Variants in SRCAP observed in about 807,000 individuals in gnomAD.
SRCAP encodes the protein chromatin remodeling protein SRCAP.
A neutral mutation model predicts 263.1 loss-of-function variants in SRCAP; 46 were observed. The observed-to-expected ratio is 0.17, with a 90% CI of 0.14 to 0.22. SRCAP has a LOEUF of 0.22. Among genes scored for constraint, SRCAP ranks in the 10% least tolerant of loss-of-function variants. The pLI is 1.00. For missense variants in SRCAP, 3,695 were observed against 4,181.9 expected, an observed-to-expected ratio of 0.88 and a Z score of 3.21; for synonymous variants, 1,813 against 1,662.1, an observed-to-expected ratio of 1.09 and a Z score of -2.21.
At chr16:30,718,003 C>CT (rs984571517) in intron 18 of SRCAP, among the ~76,000 whole-genome samples, 8 of 150,906 alleles carry the variant, frequency 5.3e-5, no homozygotes, top group Middle Eastern at 3.5e-3. Flanking sequence ...GTAGCTGGAA[C>CT]TATATGCGTG....
At chr16:30,720,075 T>G in intron 18 of SRCAP, 87 bp from the exon 19 acceptor site, 1 of 1,452,530 alleles carries the variant, frequency 6.9e-7, no homozygotes, top group East Asian at 2.3e-5. Context: ...GTTAATTCAC[T>G]TAAGGATAAT....
rs1436028238 is a variant in SRCAP, at chr16:30,711,624, G to A, written c.1372G>A (p.Gly458Ser). The A allele has an allele frequency of 1.9e-6, 3 of 1,613,748 alleles. No individual in the cohort carries two copies. The highest frequency in any genetic ancestry group is 2.5e-6 in the Non-Finnish European group (3 of 1,179,874). ...GCAGTATGCAGGAGCCTATGCCCCA[G>A]GCTCTGGGAGCAGTGAAGATGAGGA... The part of the protein sequence containing the change: ...LQQYAGAYAP[G>S]SGSSEDEDED... The change falls in exon 11 of 34, where the codon GGC becomes AGC. Residue 458 changes from glycine to serine, a missense_variant. By Grantham distance (56) the Gly-to-Ser change is moderately conservative. Transcript: ENST00000262518.
At chr16:30,708,005 C>T (rs1434233241) in intron 6 of SRCAP, among the ~76,000 whole-genome samples, 1 of 152,182 alleles carries the variant, frequency 6.6e-6, no homozygotes, top group Non-Finnish European at 1.5e-5. Flanking sequence ...CGTCAAAGTT[C>T]CCACTGCCTG....
Position 30,723,947 on chromosome 16 carries a change from G to T in SRCAP, c.4523G>T (p.Gly1508Val). Residue 1508 changes from glycine to valine, a missense_variant, in exon 25 of 34, where the codon GGT (glycine) becomes GTT (valine). Physicochemically the swap from Gly to Val is moderately radical, Grantham distance 109. Coordinates refer to ENST00000262518, the MANE Select transcript of SRCAP (RefSeq NM_006662.3). ...ASPSASALTL[G>V]LATAPSLSSS... ...CCGTCAGCATCAGCCTTGACTCTAG[G>T]TTTGGCCACAGCTCCATCCCTGTCT... 6.2e-7 allele frequency: 1 copy of T among 1,614,104 alleles called. No individual in the cohort carries two copies. The highest frequency in any genetic ancestry group is 8.5e-7 in the Non-Finnish European group (1 of 1,180,028).
Position 30,729,581 on chromosome 16 carries a change from G to T in SRCAP, c.6127+9G>T, listed in dbSNP as rs777647637. The T allele has an allele frequency of 1.5e-5, 24 of 1,614,046 alleles. No homozygotes were observed. In the Admixed American group the frequency reaches 1.5e-4, roughly 10 times the overall value. On this transcript the variant is annotated intron_variant, in intron 27 of 33. Coordinates refer to ENST00000262518, the MANE Select transcript of SRCAP (RefSeq NM_006662.3). ...CATCCAGTATGATTGCGGTGAGTTT[G>T]TTGGCCAGTGTAGGACCCTTGACTT...
chr16:30,734,178 A>C, intron 30 of SRCAP, 170 bp downstream of exon 30: 1 of 667,766 alleles, frequency 1.5e-6, no homozygotes, highest in Non-Finnish European at 2.5e-6. Context: ...CCCTGTCTCT[A>C]CTAAAAATAC....
In SRCAP at chr16:30,720,388, C is replaced by T. The variant is rs973756927; in HGVS notation, c.2987+57C>T. ...CTAGAATAAGTGGCTGAAAGCTGCC[C>T]AGAGGGGCCTGGGGTGGGAAGAAAA... On this transcript the variant is annotated intron_variant, in intron 19 of 33. Coordinates refer to ENST00000262518, the MANE Select transcript of SRCAP (RefSeq NM_006662.3). 1.9e-6 allele frequency: 3 copies of T among 1,571,500 alleles called. No homozygotes were observed. The East Asian group carries it at 6.8e-5, about 36-fold the overall frequency.
Position 30,712,248 on chromosome 16 carries a change from T to G in SRCAP, c.1816-14T>G, listed in dbSNP as rs1003156235. 6 of 1,593,160 alleles carry G rather than the reference T, an allele frequency of 3.8e-6. No homozygotes were observed. The highest frequency in any genetic ancestry group is 5.1e-6 in the Non-Finnish European group (6 of 1,168,808). On this transcript the variant is annotated splice_polypyrimidine_tract_variant and intron_variant, in intron 12 of 33. Transcript: ENST00000262518. ...CTCATTTCCATTGTGTTACCTATAT[T>G]TCCTCTCTGACAGGTAAAGACGCCC...
chr16:30,709,748 T>C lies in SRCAP; in HGVS notation c.856+13T>C, dbSNP rs780249747. 8 of 1,614,034 alleles carry C rather than the reference T, an allele frequency of 5.0e-6. No individual in the cohort carries two copies. Among genetic ancestry groups the C allele is most frequent in the Non-Finnish European group, 6.8e-6 (8 of 1,180,022 alleles). ...CTGGATGATGAAGGTGTGTGTTCTC[T>C]TTGGTCCTGTTACTCTTCCTCATGT... On this transcript the variant is annotated intron_variant, in intron 7 of 33. Coordinates refer to ENST00000262518, the MANE Select transcript of SRCAP (RefSeq NM_006662.3).
intron 18 of SRCAP, among the ~76,000 whole-genome samples, chr16:30,717,148 AGT>A (rs1358660320): frequency 6.6e-6 from 1 of 152,024 alleles, no homozygotes; most frequent in Non-Finnish European, 1.5e-5. Flanking sequence ...CATATTAATG[AGT>A]GTGAATTGGT....
intron 4 of SRCAP, among the ~76,000 whole-genome samples, chr16:30,705,185 T>C (rs1350078059): frequency 1.3e-5 from 2 of 151,932 alleles, no homozygotes; most frequent in Non-Finnish European, 2.9e-5. Flanking sequence ...CCTGTAGTCC[T>C]AGCTACTCAG....
rs76371627 is a variant in SRCAP, at chr16:30,716,560, T to G, written c.2817+81T>G. 2.1e-3 allele frequency: 2,816 copies of G among 1,367,662 alleles called. 54 individuals carry two copies. The African/African-American group carries it at 0.036, about 17-fold the overall frequency. 84.7% of individuals were successfully genotyped at this position (1,367,662 alleles called of 1,614,324 possible). A position where few individuals can be genotyped will look rare whatever the true frequency, so the allele number is the denominator to read the frequency against. On this transcript the variant is annotated intron_variant, in intron 18 of 33. Transcript: ENST00000262518. ...TGTACCTCTTTTCGTTAGACTGGGG[T>G]CTGACTTTTGCATCCTCATGACTCC...
At chr16:30,702,784 T>C (rs1219865728) in intron 3 of SRCAP, among the ~76,000 whole-genome samples, 1 of 151,504 alleles carries the variant, frequency 6.6e-6, no homozygotes, top group Non-Finnish European at 1.5e-5. Context: ...TTCTGTATTT[T>C]TAGTAGAGAT....
rs531477573 is a variant in SRCAP, at chr16:30,738,320, A to T, written c.8280A>T (p.Glu2760Asp). ...GACGGCTGGTAACTGTGGTAGAGGA[A>T]AAGGAACTGGTGCGGCGGCGGCGGC... ...LPGRLVTVVE[E>D]KELVRRRRQQ... The change falls in exon 34 of 34, where the codon GAA becomes GAT. Residue 2760 changes from glutamate (E) to aspartate (D), a missense_variant. This residue lies in a region of SRCAP where 1,207 missense variants were observed against 1,142.9 expected (regional missense o/e 1.06). Coordinates refer to ENST00000262518, the MANE Select transcript of SRCAP (RefSeq NM_006662.3). 2 of 1,590,682 alleles carry T rather than the reference A, an allele frequency of 1.3e-6. No individual in the cohort carries two copies. Among genetic ancestry groups the T allele is most frequent in the African/African-American group, 2.7e-5 (2 of 74,330 alleles).
At position 30,733,890 on chromosome 16, in the gene SRCAP, C is replaced by T. The variant is rs1417279779; in HGVS notation, c.6495-4C>T. ...GCTTACACACGGCCTTCATCACCCC[C>T]TAGGCTTATCAGTGAACGGACAGTG... On this transcript the variant is annotated splice_polypyrimidine_tract_variant and splice_region_variant and intron_variant, in intron 29 of 33. Coordinates refer to ENST00000262518, the MANE Select transcript of SRCAP (RefSeq NM_006662.3). This position sits in a 1 kb window ranked among gnomAD's most constrained non-coding sequence, Gnocchi z 5.3. 2 of 1,613,934 alleles carry T rather than the reference C, an allele frequency of 1.2e-6. No individual in the cohort carries two copies. Among genetic ancestry groups the T allele is most frequent in the South Asian group, 2.2e-5 (2 of 91,068 alleles).
chr16:30,706,566 ACT>A (rs1273433409), intron 4 of SRCAP, among the ~76,000 whole-genome samples: 4 of 151,896 alleles, frequency 2.6e-5, no homozygotes, highest in East Asian at 1.9e-4. Flanking sequence ...AAAAATGACC[ACT>A]CTTTTTTACA....
Position 30,739,865 on chromosome 16 carries a change from C to G in SRCAP, c.*132C>G. On this transcript the variant is annotated 3_prime_UTR_variant, in exon 34 of 34. Transcript: ENST00000262518. ...AGACATAGGGGCCTTCTCCCTTCTT[C>G]CCACCAAAGTAGGGGGTAGGCAACT... 1.5e-6 allele frequency: 2 copies of G among 1,351,070 alleles called. No homozygotes were observed. Among genetic ancestry groups the G allele is most frequent in the South Asian group, 1.8e-5 (1 of 55,798 alleles). 83.7% of individuals were successfully genotyped at this position (1,351,070 alleles called of 1,614,324 possible).
Position 30,720,657 on chromosome 16 carries a change from T to C in SRCAP, c.2988-56T>C, listed in dbSNP as rs1179140671. On this transcript the variant is annotated intron_variant, in intron 19 of 33. Coordinates refer to ENST00000262518, the MANE Select transcript of SRCAP (RefSeq NM_006662.3). ...TTTCATTTTCTTCTTTTCTTTGATA[T>C]TGCTACCCCTTATTCTCCTTCTGTC... is the stretch of plus-strand genomic sequence containing the variant. The C allele has an allele frequency of 3.3e-6, 5 of 1,498,146 alleles. No individual in the cohort carries two copies. In the African/African-American group the frequency reaches 5.6e-5, roughly 17 times the overall value. 92.8% of individuals were successfully genotyped at this position (1,498,146 alleles called of 1,614,324 possible).
chr16:30,722,105 G>C lies in SRCAP; in HGVS notation c.3542-17G>C. 6.2e-7 allele frequency: 1 copy of C among 1,609,754 alleles called. No individual in the cohort carries two copies. The highest frequency in any genetic ancestry group is 8.5e-7 in the Non-Finnish European group (1 of 1,177,564). ...CAGGATGAGCCTTGTGTACAATAAGGCCTTCTCTGTTTTTAGCAGGCGAAG... is the reference window on the plus strand; with the variant it reads ...CAGGATGAGCCTTGTGTACAATAAGCCCTTCTCTGTTTTTAGCAGGCGAAG... On this transcript the variant is annotated splice_polypyrimidine_tract_variant and intron_variant, in intron 21 of 33. Transcript: ENST00000262518.
Sources: allele counts gnomAD v4.1 joint callset (sites outside exome capture counted in the v4.1 genomes callset), GRCh38; gene constraint gnomAD v4.1.1; regional missense constraint gnomAD v4.1.1; non-coding constraint Gnocchi (gnomAD v3.1); transcripts MANE v1.5; gene names NCBI Gene and HGNC (gene_info 2026-07-23, HGNC 2026-07-21).